The following TRAPPC9 variants were observed in gnomAD, a reference collection of about 807,000 sequenced individuals.
The protein encoded by TRAPPC9 is IKK2 binding protein.
Under a neutral mutation model 124.0 loss-of-function variants are expected in TRAPPC9, and 83 were observed. That is an observed-to-expected ratio of 0.67 (90% confidence interval 0.56 to 0.80). The LOEUF is 0.80. Among genes scored for constraint, TRAPPC9 ranks in the 30% least tolerant of loss-of-function variants. The probability of loss-of-function intolerance (pLI) is 0.00; values close to 1 mark genes in which losing one functional copy is unlikely to be tolerated. For missense variants in TRAPPC9, 1,302 were observed against 1,508.3 expected (o/e 0.86, Z 2.27); for synonymous variants, 638 against 617.5 (o/e 1.03, Z -0.49).
At chr8:140,391,511 G>A (rs915952887) in intron 7 of TRAPPC9, among the ~76,000 whole-genome samples, 5 of 151,732 alleles carry the variant, frequency 3.3e-5, no homozygotes, top group South Asian at 2.1e-4. Context: ...TCGGGAGTTC[G>A]AGACCAGCCT....
chr8:140,213,284 C>T (rs2063109232), intron 17 of TRAPPC9, among the ~76,000 whole-genome samples: 1 of 151,964 alleles, frequency 6.6e-6, no homozygotes, highest in African/African-American at 2.4e-5. Context: ...TATTTTGTGT[C>T]TTCTAAGGAA....
intron 17 of TRAPPC9, among the ~76,000 whole-genome samples, chr8:140,180,444 C>T (rs559108164): frequency 1.2e-4 from 19 of 152,056 alleles, no homozygotes; most frequent in Non-Finnish European, 2.6e-4. Flanking sequence ...GATCAATATT[C>T]CTTCAAGGAA....
chr8:140,006,651 T>G (rs538948389), intron 18 of TRAPPC9, among the ~76,000 whole-genome samples: 2 of 152,296 alleles, frequency 1.3e-5, no homozygotes, highest in African/African-American at 4.8e-5. Context: ...CAACAGAAAA[T>G]TATTCAGCAA....
At chr8:140,345,924 G>GC (rs1261884832) in intron 9 of TRAPPC9, among the ~76,000 whole-genome samples, 1 of 152,216 alleles carries the variant, frequency 6.6e-6, no homozygotes, top group Non-Finnish European at 1.5e-5. Flanking sequence ...CAGAGATGTG[G>GC]CCACCGTGGA....
At chr8:139,974,002 CGA>C (rs1168210377) in intron 19 of TRAPPC9, among the ~76,000 whole-genome samples, 2 of 152,152 alleles carry the variant, frequency 1.3e-5, no homozygotes, top group Non-Finnish European at 2.9e-5. Flanking sequence ...GCAGGAGCTT[CGA>C]GAGCGGCCTG....
At chr8:139,989,287 C>T (rs967529179) in intron 18 of TRAPPC9, among the ~76,000 whole-genome samples, 5 of 147,260 alleles carry the variant, frequency 3.4e-5, no homozygotes, top group Non-Finnish European at 7.6e-5. Flanking sequence ...GGCCCTGAAG[C>T]GTGGTGACGC....
intron 17 of TRAPPC9, chr8:140,095,293 T>C (rs552500642): frequency 1.3e-5 from 2 of 152,354 alleles, no homozygotes; most frequent in East Asian, 3.9e-4. Context: ...GATGGCACGT[T>C]GACAGTGAGG....
intron 21 of TRAPPC9, among the ~76,000 whole-genome samples, chr8:139,807,673 G>A (rs541482859): frequency 6.6e-6 from 1 of 152,224 alleles, no homozygotes; most frequent in African/African-American, 2.4e-5. Flanking sequence ...TACCAAGCAG[G>A]GGTTCTGTGT....
At chr8:139,942,482 C>T (rs568187699) in intron 19 of TRAPPC9, among the ~76,000 whole-genome samples, 1 of 152,218 alleles carries the variant, frequency 6.6e-6, no homozygotes, top group African/African-American at 2.4e-5. Flanking sequence ...TGAGAAAAAC[C>T]GTCATCCCCA....
At chr8:139,893,593 T>G (rs577420730) in intron 20 of TRAPPC9, among the ~76,000 whole-genome samples, 1 of 152,222 alleles carries the variant, frequency 6.6e-6, no homozygotes, top group Non-Finnish European at 1.5e-5. Flanking sequence ...GATTAAATAA[T>G]GTAATGAAAA....
chr8:140,405,682 A>G lies in TRAPPC9; in HGVS notation c.903T>C (p.Asn301=). The stretch of plus-strand genomic sequence containing the variant: ...CAGTACTGGTGTCAGGGTTGATGCC[A>G]TTGGTGGTGAGGGCACCTGCAAACC... ...VLIDPGALTT[N]GINPDTSTEI... The change falls in exon 6 of 23, where the codon AAT becomes AAC. Residue 301 remains asparagine, a synonymous_variant. Transcript: ENST00000438773. The G allele has an allele frequency of 1.2e-6, 2 of 1,614,188 alleles. No individual in the cohort carries two copies. The highest frequency in any genetic ancestry group is 1.7e-6 in the Non-Finnish European group (2 of 1,180,024).
intron 17 of TRAPPC9, among the ~76,000 whole-genome samples, chr8:140,170,815 G>A (rs1309699773): frequency 2.0e-5 from 3 of 152,198 alleles, no homozygotes; most frequent in Non-Finnish European, 2.9e-5. Flanking sequence ...CCTGTGCTGG[G>A]GTGAGAATGG....
At chr8:140,313,667 A>G (rs2066367462) in intron 9 of TRAPPC9, among the ~76,000 whole-genome samples, 2 of 151,990 alleles carry the variant, frequency 1.3e-5, no homozygotes, top group Admixed American at 6.6e-5. Context: ...AGCAGGGCAC[A>G]CCTCTCCGCT....
intron 17 of TRAPPC9, among the ~76,000 whole-genome samples, chr8:140,045,651 A>AC (rs59038940): frequency 0.019 from 735 of 39,042 alleles, 54 homozygotes; most frequent in African/African-American, 0.039. Context: ...AAAAAAAAAA[A>AC]AAAAAAAACC....
At chr8:140,001,617 T>C (rs1324419778) in intron 18 of TRAPPC9, among the ~76,000 whole-genome samples, 1 of 152,088 alleles carries the variant, frequency 6.6e-6, no homozygotes, top group Admixed American at 6.5e-5. Context: ...CATAAATAAA[T>C]GAGGGAATAC....
At chr8:140,223,750 A>C (rs1343340380) in intron 16 of TRAPPC9, among the ~76,000 whole-genome samples, 4 of 152,324 alleles carry the variant, frequency 2.6e-5, no homozygotes, top group Admixed American at 1.3e-4. Context: ...TTTAAAAAAA[A>C]AAAAACAAAA....
intron 17 of TRAPPC9, among the ~76,000 whole-genome samples, chr8:140,051,028 A>C (rs1351774941): frequency 3.3e-5 from 5 of 152,244 alleles, no homozygotes; most frequent in African/African-American, 1.2e-4. Flanking sequence ...ACAATCTCGT[A>C]CAGAGAGGGT....
chr8:140,283,343 G>A (rs919393281), intron 14 of TRAPPC9, among the ~76,000 whole-genome samples: 1 of 126,480 alleles, frequency 7.9e-6, no homozygotes, highest in Admixed American at 9.3e-5. Flanking sequence ...CGCCCAGGCT[G>A]GAGTGCAGTG....
intron 17 of TRAPPC9, among the ~76,000 whole-genome samples, chr8:140,122,619 T>C (rs1424347660): frequency 6.6e-6 from 1 of 152,214 alleles, no homozygotes; most frequent in African/African-American, 2.4e-5. Flanking sequence ...TCTGTGAGAA[T>C]TAAATTTTTT....
Sources: allele counts gnomAD v4.1 joint callset (sites outside exome capture counted in the v4.1 genomes callset), GRCh38; gene constraint gnomAD v4.1.1; transcripts MANE v1.5; gene names NCBI Gene and HGNC (gene_info 2026-07-23, HGNC 2026-07-21).